Variants in GALNT14 observed in about 807,000 individuals in gnomAD.
GALNT14 encodes UDP-GalNAc:polypeptide N-acetylgalactosaminyltransferase 14.
In GALNT14, 60 loss-of-function variants were observed where a neutral mutation model predicts 77.5. The ratio of observed to expected loss-of-function variants is 0.77; its 90% CI spans 0.63 to 0.96. GALNT14 has a LOEUF of 0.96. GALNT14 is among the 40% of genes least tolerant of loss of function. The pLI, the probability that GALNT14 is intolerant of heterozygous loss-of-function variation, is 0.00. For missense variants in GALNT14, 710 were observed against 731.0 expected (o/e 0.97, Z 0.33); for synonymous variants, 280 against 281.7 (o/e 0.99, Z 0.06).
Position 31,138,385 on chromosome 2 carries a change from A to ACCGCGGCTGCCGCCGCCG in GALNT14, c.-317_-300dup. The ACCGCGGCTGCCGCCGCCG allele has an allele frequency of 2.9e-6, 1 of 348,460 alleles. No individual in the cohort carries two copies. Among genetic ancestry groups the ACCGCGGCTGCCGCCGCCG allele is most frequent in the Middle Eastern group, 8.3e-4 (1 of 1,208 alleles). The allele number at this position is 348,460 out of a possible 1,614,324, so 21.6% of individuals were successfully genotyped here. On this transcript the variant is annotated 5_prime_UTR_variant, in exon 1 of 15. Coordinates refer to ENST00000349752, the MANE Select transcript of GALNT14 (RefSeq NM_024572.4). The stretch of plus-strand genomic sequence containing the variant: ...CTGCCGAGATGTTCCCCACGCCGCC[A>ACCGCGGCTGCCGCCGCCG]CCGCGGCTGCCGCCGCCGCCGCCGC...
At chr2:31,020,452 C>G (rs1573176432) in intron 1 of GALNT14, among the ~76,000 whole-genome samples, 1 of 152,336 alleles carries the variant, frequency 6.6e-6, no homozygotes, top group Admixed American at 6.5e-5. Flanking sequence ...TCAGAGCACC[C>G]TCTCTGGGTA....
In GALNT14 at chr2:30,989,583, A is replaced by ATATATATATATATATATATAT. The variant is rs56703340; in HGVS notation, c.299+3254_299+3255insATATATATATATATATATATA. On this transcript the variant is annotated intron_variant, in intron 2 of 14. Transcript: ENST00000349752. ...CCTTATATATATATATATATATATAAAAATATATATATTAGTAGATATATA... is the reference window on the plus strand; with the variant it reads ...CCTTATATATATATATATATATATAATATATATATATATATATATATAAATATATATATTAGTAGATATATA... Among the ~76,000 whole-genome samples, 92 of 91,804 alleles carry ATATATATATATATATATATAT rather than the reference A, an allele frequency of 1.0e-3. 2 individuals are homozygous for ATATATATATATATATATATAT. The highest frequency in any genetic ancestry group is 5.6e-3 in the East Asian group (18 of 3,236). 60.2% of individuals were successfully genotyped at this position (91,804 alleles called of 152,430 possible). A position where few individuals can be genotyped will look rare whatever the true frequency, so the allele number is the denominator to read the frequency against.
chr2:31,083,661 T>C (rs1159346776), intron 1 of GALNT14, among the ~76,000 whole-genome samples: 1 of 152,116 alleles, frequency 6.6e-6, no homozygotes, highest in African/African-American at 2.4e-5. Context: ...AGTTGATCAG[T>C]GGGATTGGGA....
chr2:31,011,070 G>T (rs1573153705), intron 1 of GALNT14, among the ~76,000 whole-genome samples: 1 of 152,198 alleles, frequency 6.6e-6, no homozygotes, highest in Admixed American at 6.5e-5. Context: ...AGGAAGGAGG[G>T]AGGGAAGGGA....
At chr2:30,969,806 C>T (rs1341472186) in intron 2 of GALNT14, among the ~76,000 whole-genome samples, 10 of 152,204 alleles carry the variant, frequency 6.6e-5, no homozygotes, top group African/African-American at 2.4e-4. Context: ...ATCTGCTCCT[C>T]TGTAACACGG....
intron 2 of GALNT14, among the ~76,000 whole-genome samples, chr2:30,987,665 G>A (rs1283076571): frequency 6.6e-6 from 1 of 152,076 alleles, no homozygotes; most frequent in Non-Finnish European, 1.5e-5. Context: ...GATTCAATCA[G>A]CACAGCTGCC....
At chr2:31,001,937 T>A (rs1670389817) in intron 1 of GALNT14, among the ~76,000 whole-genome samples, 1 of 152,098 alleles carries the variant, frequency 6.6e-6, no homozygotes, top group South Asian at 2.1e-4. Context: ...AATCAAACTT[T>A]CAGAAATGAA....
In GALNT14 at chr2:31,130,738, G is replaced by GTA. The variant is rs71960824; in HGVS notation, c.129+7219_129+7220insTA. ...GCAGAATTCCCCAGGGTACCTCTGT[G>GTA]TGTGTGTGTGTGTGTGTGTGTGTGT... On this transcript the variant is annotated intron_variant, in intron 1 of 14. Transcript: ENST00000349752. Among the ~76,000 whole-genome samples the GTA allele has an allele frequency of 1.6e-3, 115 of 73,340 alleles. 1 individual carries two copies. Among genetic ancestry groups the GTA allele is most frequent in the African/African-American group, 5.9e-3 (110 of 18,536 alleles). 48.1% of individuals were successfully genotyped at this position (73,340 alleles called of 152,430 possible).
At chr2:31,089,471 C>T (rs1046065593) in intron 1 of GALNT14, among the ~76,000 whole-genome samples, 1 of 152,182 alleles carries the variant, frequency 6.6e-6, no homozygotes, top group African/African-American at 2.4e-5. Context: ...GGAAGACCAG[C>T]TGCTAAGGGG....
chr2:30,942,950 CT>C (rs1398047197), intron 8 of GALNT14, among the ~76,000 whole-genome samples: 11 of 152,116 alleles, frequency 7.2e-5, no homozygotes, highest in African/African-American at 2.4e-4. Flanking sequence ...CCCAATATGA[CT>C]GGTGTCCTTA....
intron 2 of GALNT14, among the ~76,000 whole-genome samples, chr2:30,970,684 A>AC (rs1038665210): frequency 6.6e-6 from 1 of 151,720 alleles, no homozygotes; most frequent in African/African-American, 2.4e-5. Context: ...GGTCTCTGAG[A>AC]CCCCCAGCCT....
intron 1 of GALNT14, among the ~76,000 whole-genome samples, chr2:31,098,014 C>G (rs1403872216): frequency 6.6e-6 from 1 of 152,148 alleles, no homozygotes; most frequent in Non-Finnish European, 1.5e-5. Flanking sequence ...TCTACTTGAT[C>G]AGAACTTCTC....
intron 1 of GALNT14, among the ~76,000 whole-genome samples, chr2:31,105,480 C>T (rs1005987541): frequency 6.6e-6 from 1 of 152,310 alleles, no homozygotes; most frequent in Admixed American, 6.5e-5. Flanking sequence ...AATCCCAGCA[C>T]TTTGGGAGGC....
intron 2 of GALNT14, among the ~76,000 whole-genome samples, chr2:30,969,138 C>T (rs1668191174): frequency 6.6e-6 from 1 of 152,222 alleles, no homozygotes; most frequent in Admixed American, 6.5e-5. Context: ...AGTCACAGAG[C>T]TCAGCAGAGC....
intron 2 of GALNT14, among the ~76,000 whole-genome samples, chr2:30,971,257 C>A (rs995557392): frequency 1.3e-5 from 2 of 152,126 alleles, no homozygotes; most frequent in Non-Finnish European, 2.9e-5. Flanking sequence ...GAAAACCCTG[C>A]CAACACTGAG....
chr2:31,104,622 G>T (rs188447710), intron 1 of GALNT14, among the ~76,000 whole-genome samples: 1 of 152,142 alleles, frequency 6.6e-6, no homozygotes, highest in Non-Finnish European at 1.5e-5. Context: ...GTCTCATCCA[G>T]TCTGGAGGAA....
the GALNT14 span, among the ~76,000 whole-genome samples, chr2:30,901,326 A>G: frequency 6.6e-6 from 1 of 152,058 alleles, no homozygotes; most frequent in Non-Finnish European, 1.5e-5. Context: ...AGCCACCCAT[A>G]TTGAGCTCAG....
At chr2:31,085,774 C>T (rs1676398730) in intron 1 of GALNT14, among the ~76,000 whole-genome samples, 1 of 152,222 alleles carries the variant, frequency 6.6e-6, no homozygotes, top group Non-Finnish European at 1.5e-5. Flanking sequence ...CTATCACCTC[C>T]TGTATTAGTC....
chr2:30,999,945 G>A (rs1213694618), intron 1 of GALNT14, among the ~76,000 whole-genome samples: 1 of 152,168 alleles, frequency 6.6e-6, no homozygotes, highest in African/African-American at 2.4e-5. Context: ...TCCTCCCCAA[G>A]AGAGGCAAAA....
Sources: gnomAD v4.1 joint callset for allele counts (sites outside exome capture counted in the v4.1 genomes callset) on GRCh38, gnomAD v4.1.1 for gene constraint, MANE v1.5 for transcripts, NCBI Gene and HGNC (gene_info 2026-07-23, HGNC 2026-07-21) for gene names.